Variants in NELL1 observed in about 807,000 individuals in gnomAD.
The protein encoded by NELL1 is neural EGFL like 1, also known as protein kinase C-binding protein NELL1.
NELL1 carries 76 observed loss-of-function variants against 107.4 expected under a neutral mutation model. The observed-to-expected ratio is 0.71, with a 90% CI of 0.59 to 0.86. The LOEUF (loss-of-function observed/expected upper bound fraction) is 0.86. NELL1 is among the 40% of genes least tolerant of loss of function. The probability of loss-of-function intolerance (pLI) is 0.00; values close to 1 mark genes in which losing one functional copy is unlikely to be tolerated. For missense variants in NELL1, 1,024 were observed against 1,005.5 expected (o/e 1.02, Z -0.25); for synonymous variants, 353 against 341.2 (o/e 1.03, Z -0.38).
intron 14 of NELL1, among the ~76,000 whole-genome samples, chr11:21,303,595 C>G (rs771317420): frequency 6.6e-6 from 1 of 151,972 alleles, no homozygotes; most frequent in South Asian, 2.1e-4. Context: ...TAGAAAACAG[C>G]GTGGAGATTT....
intron 3 of NELL1, among the ~76,000 whole-genome samples, chr11:20,802,157 T>C (rs529610247): frequency 4.6e-5 from 7 of 152,214 alleles, no homozygotes; most frequent in African/African-American, 1.7e-4. Flanking sequence ...TACATTGAAT[T>C]TGTAGATTGC....
intron 14 of NELL1, among the ~76,000 whole-genome samples, chr11:21,248,746 A>G (rs936262584): frequency 6.6e-6 from 1 of 152,184 alleles, no homozygotes; most frequent in African/African-American, 2.4e-5. Flanking sequence ...TGGATTTAGC[A>G]TTGGAACTCA....
At chr11:20,864,024 G>C (rs7937852) in intron 4 of NELL1, among the ~76,000 whole-genome samples, 5,442 of 152,228 alleles carry the variant, frequency 0.036, 300 homozygotes, top group African/African-American at 0.12. Context: ...AGGAGAATCA[G>C]GCAGGGAGGC....
intron 13 of NELL1, among the ~76,000 whole-genome samples, chr11:21,178,548 C>G (rs970472026): frequency 6.6e-6 from 1 of 151,574 alleles, no homozygotes; most frequent in Admixed American, 6.6e-5. Flanking sequence ...TGGAGGACTG[C>G]TTGAGCCTAG....
chr11:20,973,396 C>G (rs1033659084), intron 12 of NELL1, among the ~76,000 whole-genome samples: 3 of 152,220 alleles, frequency 2.0e-5, no homozygotes, highest in Admixed American at 1.3e-4. Context: ...GCATGAGCCA[C>G]TGCGTCCAGC....
intron 3 of NELL1, among the ~76,000 whole-genome samples, chr11:20,789,464 G>T (rs1280159745): frequency 6.6e-6 from 1 of 152,222 alleles, no homozygotes; most frequent in African/African-American, 2.4e-5. Context: ...GGAACTGCAA[G>T]GCCCCAAAGA....
chr11:21,394,417 T>C (rs1381948931), intron 15 of NELL1, among the ~76,000 whole-genome samples: 1 of 151,430 alleles, frequency 6.6e-6, no homozygotes, highest in Non-Finnish European at 1.5e-5. Context: ...TATATATGTA[T>C]GTATATAGCC....
At chr11:21,277,134 T>G (rs1300707491) in intron 14 of NELL1, among the ~76,000 whole-genome samples, 10 of 151,650 alleles carry the variant, frequency 6.6e-5, no homozygotes, top group East Asian at 1.9e-4. Context: ...GGAGAAAATT[T>G]TTGCAATCTA....
At chr11:21,515,370 TATC>T in intron 15 of NELL1, among the ~76,000 whole-genome samples, 1 of 152,270 alleles carries the variant, frequency 6.6e-6, no homozygotes, top group East Asian at 1.9e-4. Context: ...AGGAAGCAGA[TATC>T]ATCAACTAGA....
At chr11:21,263,005 C>A (rs77454025) in intron 14 of NELL1, among the ~76,000 whole-genome samples, 2 of 151,810 alleles carry the variant, frequency 1.3e-5, no homozygotes, top group East Asian at 1.9e-4. Flanking sequence ...ATCTTGTAAC[C>A]CTTTTCATTT....
chr11:21,319,131 ATGTG>A (rs35208989), intron 14 of NELL1, among the ~76,000 whole-genome samples: 2,342 of 146,720 alleles, frequency 0.016, 74 homozygotes, highest in African/African-American at 0.056. Flanking sequence ...TCTCAGCAAT[ATGTG>A]TGTGTGTGTG....
At chr11:21,232,147 T>TAAAAAA (rs869244876) in intron 14 of NELL1, among the ~76,000 whole-genome samples, 1 of 90,520 alleles carries the variant, frequency 1.1e-5, no homozygotes, top group African/African-American at 3.8e-5. Context: ...TAAAAAAAAA[T>TAAAAAA]AAAAAAAAAA....
intron 12 of NELL1, among the ~76,000 whole-genome samples, chr11:21,032,415 A>G (rs1374090926): frequency 6.6e-6 from 1 of 152,190 alleles, no homozygotes; most frequent in African/African-American, 2.4e-5. Flanking sequence ...TTTTAGACAG[A>G]ATCTCACTCT....
intron 14 of NELL1, among the ~76,000 whole-genome samples, chr11:21,289,487 C>T (rs1230098664): frequency 6.6e-6 from 1 of 152,218 alleles, no homozygotes. Context: ...GACCCAGATA[C>T]TATGCTTTTC....
intron 5 of NELL1, among the ~76,000 whole-genome samples, chr11:20,890,632 G>C (rs1849598623): frequency 6.6e-6 from 1 of 152,076 alleles, no homozygotes; most frequent in African/African-American, 2.4e-5. Context: ...TAAAGGAATT[G>C]CTAACCAGAA....
intron 12 of NELL1, among the ~76,000 whole-genome samples, chr11:21,005,920 A>G (rs1337402244): frequency 1.3e-5 from 2 of 152,164 alleles, no homozygotes; most frequent in African/African-American, 4.8e-5. Flanking sequence ...GACTTAGACC[A>G]ACTGAGGTTT....
chr11:21,325,380 T>C (rs1194431660), intron 14 of NELL1, among the ~76,000 whole-genome samples: 3 of 152,050 alleles, frequency 2.0e-5, no homozygotes, highest in African/African-American at 4.8e-5. Context: ...AAATAGATCA[T>C]TGGAAACAAT....
intron 13 of NELL1, among the ~76,000 whole-genome samples, chr11:21,205,621 A>G (rs1212104395): frequency 6.6e-6 from 1 of 152,130 alleles, no homozygotes; most frequent in African/African-American, 2.4e-5. Context: ...AGTGGAGTCA[A>G]CAGTTCTGTC....
intron 14 of NELL1, among the ~76,000 whole-genome samples, chr11:21,274,787 T>G (rs2133939282): frequency 6.6e-6 from 1 of 152,286 alleles, no homozygotes; most frequent in Admixed American, 6.5e-5. Context: ...AACAACCTGT[T>G]CCTGAATGAC....
Sources: allele counts gnomAD v4.1 joint callset (sites outside exome capture counted in the v4.1 genomes callset), GRCh38; gene constraint gnomAD v4.1.1; transcripts MANE v1.5; gene names NCBI Gene and HGNC (gene_info 2026-07-23, HGNC 2026-07-21).